GTF2B: variants seen among roughly 807,000 people sequenced by gnomAD.
GTF2B encodes general transcription factor IIB.
Under a neutral mutation model 34.6 loss-of-function variants are expected in GTF2B, and 20 were observed. The observed-to-expected ratio is 0.58, with a 90% CI of 0.41 to 0.84. GTF2B has a LOEUF of 0.84. Among genes scored for constraint, GTF2B ranks in the 40% least tolerant of loss-of-function variants. The pLI is 0.00. For synonymous variants in GTF2B, 142 were observed against 132.4 expected, an observed-to-expected ratio of 1.07 and a Z score of -0.50; for missense variants, 237 against 393.3, an observed-to-expected ratio of 0.60 and a Z score of 3.36.
At chr1:88,856,500 T>C (rs776976341) in intron 6 of GTF2B, among the ~76,000 whole-genome samples, 2 of 151,998 alleles carry the variant, frequency 1.3e-5, no homozygotes, top group Non-Finnish European at 2.9e-5. Flanking sequence ...TATTTTACAG[T>C]GTGTCTATCT....
chr1:88,872,576 T>G (rs1301283104), intron 2 of GTF2B, among the ~76,000 whole-genome samples: 1 of 152,116 alleles, frequency 6.6e-6, no homozygotes, highest in Non-Finnish European at 1.5e-5. Context: ...TGCACAATTC[T>G]TGATTTGTAG....
At chr1:88,886,812 A>ATT (rs147954838) in intron 2 of GTF2B, among the ~76,000 whole-genome samples, 3 of 114,172 alleles carry the variant, frequency 2.6e-5, no homozygotes, top group African/African-American at 7.7e-5. Flanking sequence ...CTGTTTCCTA[A>ATT]TTGTTTTTTT....
chr1:88,874,289 T>C (rs1320303581), intron 2 of GTF2B, among the ~76,000 whole-genome samples: 1 of 152,034 alleles, frequency 6.6e-6, no homozygotes, highest in Non-Finnish European at 1.5e-5. Context: ...TTATTTCTTA[T>C]TGCAATTTAA....
intron 2 of GTF2B, among the ~76,000 whole-genome samples, chr1:88,872,273 G>A (rs539666517): frequency 1.5e-4 from 22 of 151,674 alleles, no homozygotes; most frequent in African/African-American, 5.1e-4. Flanking sequence ...GACCAACATA[G>A]TGAAACCCGG....
Position 88,886,496 on chromosome 1 carries a change from AGAT to A in GTF2B, c.124+762_124+764del, listed in dbSNP as rs144246012. Among the ~76,000 whole-genome samples, 1,117 of 152,370 alleles carry A rather than the reference AGAT, an allele frequency of 7.3e-3. 13 individuals carry two copies. Among genetic ancestry groups the A allele is most frequent in the African/African-American group, 0.025 (1,042 of 41,584 alleles). ...AATTTTATACAAGATATTCATCAAT[AGAT>A]GACTGTATAAAAGTTATAATAAATC... On this transcript the variant is annotated intron_variant, in intron 2 of 6. Transcript: ENST00000370500.
Position 88,860,305 on chromosome 1 carries a change from A to C in GTF2B, c.259-19T>G, listed in dbSNP as rs777924836. On this transcript the variant is annotated intron_variant, in intron 3 of 6. Transcript: ENST00000370500. ...CTGTGCCCTATAAAACAGTTTTATAACTATGAAAAAATTTTTTGGAAAGCA... is the reference window on the plus strand; with the variant it reads ...CTGTGCCCTATAAAACAGTTTTATACCTATGAAAAAATTTTTTGGAAAGCA... 6 of 1,580,310 alleles carry C rather than the reference A, an allele frequency of 3.8e-6. No individual in the cohort carries two copies. The South Asian group carries it at 5.8e-5, about 15-fold the overall frequency.
intron 3 of GTF2B, among the ~76,000 whole-genome samples, chr1:88,862,416 C>T (rs1673458719): frequency 6.6e-6 from 1 of 152,128 alleles, no homozygotes; most frequent in African/African-American, 2.4e-5. Flanking sequence ...GTGGCCCACA[C>T]CTGTGGTCCC....
At chr1:88,873,495 G>C (rs1673747523) in intron 2 of GTF2B, among the ~76,000 whole-genome samples, 1 of 151,984 alleles carries the variant, frequency 6.6e-6, no homozygotes. Flanking sequence ...CACCACGCCT[G>C]GCCAGGATTC....
chr1:88,885,378 T>A (rs1674041986), intron 2 of GTF2B, among the ~76,000 whole-genome samples: 1 of 151,774 alleles, frequency 6.6e-6, no homozygotes, highest in African/African-American at 2.4e-5. Context: ...AGGCAGAGGT[T>A]GCAGTGAGCT....
intron 2 of GTF2B, among the ~76,000 whole-genome samples, chr1:88,874,477 C>T (rs1206685454): frequency 6.7e-6 from 1 of 148,504 alleles, no homozygotes; most frequent in Non-Finnish European, 1.5e-5. Context: ...AGGCTTGCGC[C>T]ACCACACACA....
At chr1:88,870,984 C>T (rs904138796) in intron 2 of GTF2B, among the ~76,000 whole-genome samples, 1 of 150,946 alleles carries the variant, frequency 6.6e-6, no homozygotes, top group Non-Finnish European at 1.5e-5. Flanking sequence ...TCACTGCAAC[C>T]TCTGCCTCCT....
chr1:88,879,923 T>C (rs1673897065), intron 2 of GTF2B, among the ~76,000 whole-genome samples: 1 of 151,726 alleles, frequency 6.6e-6, no homozygotes, highest in Non-Finnish European at 1.5e-5. Flanking sequence ...CCGGGCGGGG[T>C]GGCATGTGCC....
At chr1:88,882,794 G>A (rs1673979447) in intron 2 of GTF2B, among the ~76,000 whole-genome samples, 1 of 152,186 alleles carries the variant, frequency 6.6e-6, no homozygotes, top group Admixed American at 6.5e-5. Context: ...TTGCTTGGAA[G>A]GCATTCATAG....
intron 2 of GTF2B, among the ~76,000 whole-genome samples, chr1:88,878,960 C>G (rs951116379): frequency 6.6e-6 from 1 of 152,144 alleles, no homozygotes; most frequent in Non-Finnish European, 1.5e-5. Flanking sequence ...CAGCCGGTGC[C>G]AACTGCCCAG....
Position 88,882,310 on chromosome 1 carries a change from C to CAAAAAAAAAA in GTF2B, c.124+4941_124+4950dup, listed in dbSNP as rs59699371. On this transcript the variant is annotated intron_variant, in intron 2 of 6. Coordinates refer to ENST00000370500, the MANE Select transcript of GTF2B (RefSeq NM_001514.6). ...GGGGGACAGAGGGAGACTCTCACTCCAAAAAAAAAAAAAAAAAAAAAAAAA... is the reference window on the plus strand; with the variant it reads ...GGGGGACAGAGGGAGACTCTCACTCCAAAAAAAAAAAAAAAAAAAAAAAAAAAAAAAAAAA... Among the ~76,000 whole-genome samples, 12 of 36,016 alleles carry CAAAAAAAAAA rather than the reference C, an allele frequency of 3.3e-4. 1 individual carries two copies. The highest frequency in any genetic ancestry group is 8.9e-4 in the African/African-American group (11 of 12,410). 23.6% of individuals were successfully genotyped at this position (36,016 alleles called of 152,430 possible).
chr1:88,879,888 T>C (rs1021775011), intron 2 of GTF2B, among the ~76,000 whole-genome samples: 8 of 151,990 alleles, frequency 5.3e-5, no homozygotes, highest in African/African-American at 1.9e-4. Flanking sequence ...AAACCCCGTC[T>C]CTACTAAAAA....
chr1:88,858,601 T>C (rs1673371345), intron 5 of GTF2B: 1 of 152,078 alleles, frequency 6.6e-6, no homozygotes, highest in Admixed American at 6.6e-5. Flanking sequence ...GTTTTAGTTA[T>C]AAAAACAACA....
chr1:88,877,195 G>A (rs769675798), intron 2 of GTF2B, among the ~76,000 whole-genome samples: 2 of 152,228 alleles, frequency 1.3e-5, no homozygotes, highest in Non-Finnish European at 2.9e-5. Context: ...TTTCAGATTC[G>A]CTGGTATAAA....
intron 6 of GTF2B, 104 bp from the exon 7 acceptor site, chr1:88,853,450 AAAAAC>A: frequency 9.8e-7 from 1 of 1,018,564 alleles, no homozygotes; most frequent in South Asian, 1.4e-5. Context: ...TGCCAAACTT[AAAAAC>A]AAAACCAGAA....
Sources: allele counts gnomAD v4.1 joint callset (sites outside exome capture counted in the v4.1 genomes callset), GRCh38; gene constraint gnomAD v4.1.1; transcripts MANE v1.5; gene names NCBI Gene and HGNC (gene_info 2026-07-23, HGNC 2026-07-21).